The following MYBPC1 variants were observed in gnomAD, a reference collection of about 807,000 sequenced individuals.
MYBPC1 encodes myosin binding protein C1.
Under a neutral mutation model 147.1 loss-of-function variants are expected in MYBPC1, and 52 were observed. The observed-to-expected ratio is 0.35, with a 90% CI of 0.28 to 0.45. The LOEUF is 0.45. Among genes scored for constraint, MYBPC1 ranks in the 20% least tolerant of loss-of-function variants. The probability of loss-of-function intolerance (pLI) is 1.00; values close to 1 mark genes in which losing one functional copy is unlikely to be tolerated. For synonymous variants in MYBPC1, 477 were observed against 475.9 expected (o/e 1.00, Z -0.03); for missense variants, 1,228 against 1,440.3 (o/e 0.85, Z 2.39).
intron 28 of MYBPC1, among the ~76,000 whole-genome samples, chr12:101,679,787 G>A (rs769869646): frequency 6.9e-6 from 1 of 145,094 alleles, no homozygotes; most frequent in African/African-American, 2.6e-5. Flanking sequence ...AAATGATCGT[G>A]ACACTTTATG....
At chr12:101,638,775 T>C (rs1443908753) in intron 10 of MYBPC1, among the ~76,000 whole-genome samples, 4 of 152,226 alleles carry the variant, frequency 2.6e-5, no homozygotes, top group African/African-American at 9.6e-5. Flanking sequence ...TAAAAATCAC[T>C]TAATGGGCAG....
chr12:101,613,856 G>A (rs142143963), intron 1 of MYBPC1, among the ~76,000 whole-genome samples: 2 of 152,258 alleles, frequency 1.3e-5, no homozygotes, highest in African/African-American at 4.8e-5. Context: ...CCAGTGAATT[G>A]CACCGTCCTT....
At chr12:101,682,408 A>T (rs896740961) in intron 29 of MYBPC1, among the ~76,000 whole-genome samples, 196 bp from the exon 30 acceptor site, 1 of 152,220 alleles carries the variant, frequency 6.6e-6, no homozygotes, top group African/African-American at 2.4e-5. Context: ...AATGTATTCT[A>T]GTACATAAGT....
At chr12:101,683,346 CTTGAA>C (rs1951143800) in intron 30 of MYBPC1, among the ~76,000 whole-genome samples, 1 of 152,034 alleles carries the variant, frequency 6.6e-6, no homozygotes, top group African/African-American at 2.4e-5. Context: ...AGGAGGATCA[CTTGAA>C]TCTGGAAGGT....
chr12:101,606,125 C>T (rs1038794535), intron 1 of MYBPC1, among the ~76,000 whole-genome samples: 4 of 148,242 alleles, frequency 2.7e-5, no homozygotes, highest in South Asian at 2.1e-4. Context: ...CTGGGGAGAT[C>T]GAGGCTGCAG....
chr12:101,663,206 T>C (rs897670984), intron 21 of MYBPC1, among the ~76,000 whole-genome samples: 7 of 152,194 alleles, frequency 4.6e-5, no homozygotes, highest in Non-Finnish European at 1.5e-5. Flanking sequence ...CACCGGCTTC[T>C]CAATTTGGAA....
chr12:101,661,325 A>C, intron 20 of MYBPC1, 63 bp downstream of exon 20: 2 of 1,009,240 alleles, frequency 2.0e-6, no homozygotes. Flanking sequence ...TACGCATCTT[A>C]GTACAGAGCA....
intron 7 of MYBPC1, 74 bp downstream of exon 7, chr12:101,631,793 G>A: frequency 1.9e-6 from 3 of 1,601,514 alleles, no homozygotes; most frequent in Non-Finnish European, 2.6e-6. Context: ...TTATTTTCAG[G>A]TTCAGCTTTG....
chr12:101,651,429 T>C, intron 16 of MYBPC1, 36 bp downstream of exon 16: 1 of 1,611,596 alleles, frequency 6.2e-7, no homozygotes, highest in South Asian at 1.1e-5. Flanking sequence ...TGAGGTTTGG[T>C]CCCATTTCTA....
chr12:101,672,618 C>G (rs1201901777), intron 24 of MYBPC1, among the ~76,000 whole-genome samples: 1 of 152,096 alleles, frequency 6.6e-6, no homozygotes, highest in East Asian at 1.9e-4. Context: ...AAGGCTGAGG[C>G]GTGTGAATCA....
intron 1 of MYBPC1, among the ~76,000 whole-genome samples, chr12:101,610,225 G>T (rs1481498746): frequency 6.6e-6 from 1 of 152,128 alleles, no homozygotes; most frequent in Non-Finnish European, 1.5e-5. Context: ...AAAGGACTAA[G>T]GTCCTATTTT....
Position 101,673,027 on chromosome 12 carries a change from A to G in MYBPC1, c.2614-400A>G, listed in dbSNP as rs763107995. Reference sequence around the variant, plus strand: ...GACGTTAAGTGGTCAGGAGCTAGACATAGATTCCAGGGCCCCAGAGCCCAT... The same window carrying G: ...GACGTTAAGTGGTCAGGAGCTAGACGTAGATTCCAGGGCCCCAGAGCCCAT... On this transcript the variant is annotated intron_variant, in intron 24 of 31. Coordinates refer to ENST00000361466, the MANE Select transcript of MYBPC1 (RefSeq NM_002465.4). 3.9e-5 allele frequency among the ~76,000 whole-genome samples: 6 copies of G among 152,178 alleles called. 1 individual carries two copies. Among genetic ancestry groups the G allele is most frequent in the Admixed American group, 6.5e-5 (1 of 15,284 alleles).
At chr12:101,637,767 G>C (rs1055767579) in intron 10 of MYBPC1, among the ~76,000 whole-genome samples, 1 of 152,102 alleles carries the variant, frequency 6.6e-6, no homozygotes, top group African/African-American at 2.4e-5. Context: ...TTAGATAGCT[G>C]TATTGAAGTC....
chr12:101,648,173 G>A (rs1893624688), intron 14 of MYBPC1, 23 bp downstream of exon 14: 1 of 1,548,792 alleles, frequency 6.5e-7, no homozygotes, highest in African/African-American at 1.6e-5. Flanking sequence ...AATGAAGTCT[G>A]TCCATGTTTA....
intron 22 of MYBPC1, among the ~76,000 whole-genome samples, chr12:101,667,044 A>G (rs1897629604): frequency 6.6e-6 from 1 of 152,140 alleles, no homozygotes; most frequent in Admixed American, 6.6e-5. Flanking sequence ...AGATGCTGAA[A>G]CATTTGTAAG....
the MYBPC1 span, among the ~76,000 whole-genome samples, chr12:101,693,179 C>G: frequency 6.6e-6 from 1 of 152,116 alleles, no homozygotes; most frequent in Middle Eastern, 3.2e-3. Context: ...ATCTCCTGAC[C>G]TCGTGATCCA....
intron 1 of MYBPC1, among the ~76,000 whole-genome samples, chr12:101,606,943 G>A (rs1447177339): frequency 6.6e-6 from 1 of 152,010 alleles, no homozygotes; most frequent in African/African-American, 2.4e-5. Flanking sequence ...TCCCACCTCA[G>A]CCTCCAAAGT....
At chr12:101,600,774 C>T (rs1879589939) in intron 1 of MYBPC1, among the ~76,000 whole-genome samples, 2 of 152,172 alleles carry the variant, frequency 1.3e-5, no homozygotes, top group Non-Finnish European at 2.9e-5. Flanking sequence ...ACAAAATACT[C>T]TTGGCTGCCA....
chr12:101,620,809 G>T (rs1024564395), intron 3 of MYBPC1, among the ~76,000 whole-genome samples: 1 of 152,156 alleles, frequency 6.6e-6, no homozygotes, highest in Non-Finnish European at 1.5e-5. Flanking sequence ...TATTAGCTTA[G>T]AGTCTGTATC....
Sources: gnomAD v4.1 joint callset for allele counts (sites outside exome capture counted in the v4.1 genomes callset) on GRCh38, gnomAD v4.1.1 for gene constraint, MANE v1.5 for transcripts, NCBI Gene and HGNC (gene_info 2026-07-23, HGNC 2026-07-21) for gene names.